The following DPYS variants were observed in gnomAD, a reference collection of about 807,000 sequenced individuals.
DPYS encodes the protein dihydropyrimidinase.
Under a neutral mutation model 50.3 loss-of-function variants are expected in DPYS, and 39 were observed. The observed-to-expected ratio is 0.78, with a 90% CI of 0.60 to 1.01. DPYS has a LOEUF of 1.01. Among genes scored for constraint, DPYS ranks in the 50% least tolerant of loss-of-function variants. The pLI, the probability that DPYS is intolerant of heterozygous loss-of-function variation, is 0.00. For synonymous variants in DPYS, 245 were observed against 250.7 expected (o/e 0.98, Z 0.22); for missense variants, 659 against 680.9 (o/e 0.97, Z 0.36).
chr8:104,406,187 C>T (rs1335296214), intron 7 of DPYS, among the ~76,000 whole-genome samples: 1 of 152,152 alleles, frequency 6.6e-6, no homozygotes, highest in Non-Finnish European at 1.5e-5. Context: ...GTAAGCTCTG[C>T]AGTGGTTAAA....
In DPYS at chr8:104,466,821, C is replaced by T. The variant is rs1026825949; in HGVS notation, c.100G>A (p.Ala34Thr). ...DVLVEDGVVR[A>T]LGHDLLPPGG... Reference sequence around the variant, plus strand: ...GGAGGCAGCAGGTCGTGCCCGAGTGCCCGCACCACGCCGTCCTCCACCAGC... The same window carrying T: ...GGAGGCAGCAGGTCGTGCCCGAGTGTCCGCACCACGCCGTCCTCCACCAGC... The change falls in exon 1 of 10, where the codon GCA (alanine) becomes ACA (threonine). Residue 34 changes from alanine to threonine, a missense_variant. Physicochemically the swap from Ala to Thr is moderately conservative, Grantham distance 58 (BLOSUM62 0). Transcript: ENST00000351513. 2.2e-5 allele frequency: 33 copies of T among 1,533,508 alleles called. No homozygotes were observed. The highest frequency in any genetic ancestry group is 2.9e-5 in the Non-Finnish European group (33 of 1,145,480). The allele number at this position is 1,533,508 out of a possible 1,614,324, so 95.0% of individuals were successfully genotyped here.
At chr8:104,413,296 G>A (rs1255401775) in intron 7 of DPYS, among the ~76,000 whole-genome samples, 1 of 151,548 alleles carries the variant, frequency 6.6e-6, no homozygotes, top group African/African-American at 2.4e-5. Context: ...CAATTCATAT[G>A]AAGCTAAGAA....
At chr8:104,457,076 T>G (rs1813950735) in intron 1 of DPYS, among the ~76,000 whole-genome samples, 1 of 152,226 alleles carries the variant, frequency 6.6e-6, no homozygotes, top group Non-Finnish European at 1.5e-5. Flanking sequence ...ATACCTGTGA[T>G]AAAGTTTAAT....
At chr8:104,449,558 G>T (rs1215336961) in intron 2 of DPYS, among the ~76,000 whole-genome samples, 1 of 152,212 alleles carries the variant, frequency 6.6e-6, no homozygotes, top group African/African-American at 2.4e-5. Flanking sequence ...ATATGTTGAA[G>T]TCCTAACCCC....
intron 7 of DPYS, among the ~76,000 whole-genome samples, chr8:104,400,696 A>G (rs906358300): frequency 6.6e-6 from 1 of 152,204 alleles, no homozygotes; most frequent in African/African-American, 2.4e-5. Context: ...TGTCAAGCTC[A>G]CTTTAAGCCT....
At chr8:104,415,003 G>T (rs780138050) in intron 7 of DPYS, among the ~76,000 whole-genome samples, 1 of 152,186 alleles carries the variant, frequency 6.6e-6, no homozygotes, top group Non-Finnish European at 1.5e-5. Flanking sequence ...TAATTCAAAG[G>T]GGGGAAGAAT....
intron 7 of DPYS, among the ~76,000 whole-genome samples, chr8:104,413,543 C>T (rs182353487): frequency 3.5e-4 from 53 of 152,058 alleles, no homozygotes; most frequent in African/African-American, 9.6e-4. Flanking sequence ...AAATTATGGA[C>T]GTTGTAAGTT....
At chr8:104,401,832 A>G in intron 7 of DPYS, among the ~76,000 whole-genome samples, 1 of 152,342 alleles carries the variant, frequency 6.6e-6, no homozygotes, top group South Asian at 2.1e-4. Context: ...TGCTTCAAGT[A>G]CATTGTCATT....
intron 7 of DPYS, among the ~76,000 whole-genome samples, chr8:104,400,021 C>A (rs920122569): frequency 2.0e-4 from 30 of 152,066 alleles, no homozygotes; most frequent in Admixed American, 1.9e-3. Flanking sequence ...TGCATGGTGA[C>A]AAAAATAATT....
chr8:104,401,868 A>G (rs1242260264), intron 7 of DPYS, among the ~76,000 whole-genome samples: 2 of 152,186 alleles, frequency 1.3e-5, no homozygotes, highest in African/African-American at 4.8e-5. Flanking sequence ...CACTCACTGC[A>G]CCCATCAATC....
Position 104,428,047 on chromosome 8 carries a change from A to G in DPYS, c.1025T>C (p.Phe342Ser). ...ATTCACCCCATTGGGGATCTTGGTA[A>G]AATCATCCTTCCCAAGAGCTTTCTG... ...TCQKALGKDD[F>S]TKIPNGVNGV... Residue 342 changes from phenylalanine (F) to serine (S), a missense_variant, in exon 6 of 10, where the codon TTT (phenylalanine) becomes TCT (serine). By Grantham distance (155) the Phe-to-Ser change is radical. Coordinates refer to ENST00000351513, the MANE Select transcript of DPYS (RefSeq NM_001385.3). The G allele has an allele frequency of 6.2e-7, 1 of 1,614,224 alleles. No individual in the cohort carries two copies. The highest frequency in any genetic ancestry group is 8.5e-7 in the Non-Finnish European group (1 of 1,180,030).
chr8:104,390,872 T>C (rs752774843), intron 8 of DPYS, among the ~76,000 whole-genome samples: 45 of 152,196 alleles, frequency 3.0e-4, no homozygotes, highest in Non-Finnish European at 6.2e-4. Context: ...ACCTTAGCAG[T>C]GTGTCTTGCA....
At chr8:104,466,038 C>T (rs1347454831) in intron 1 of DPYS, among the ~76,000 whole-genome samples, 1 of 142,478 alleles carries the variant, frequency 7.0e-6, no homozygotes, top group South Asian at 2.3e-4. Context: ...AAACCCTGGT[C>T]GGGGCTATAT....
At chr8:104,452,766 G>A (rs1380333372) in intron 1 of DPYS, among the ~76,000 whole-genome samples, 2 of 152,190 alleles carry the variant, frequency 1.3e-5, no homozygotes, top group Non-Finnish European at 2.9e-5. Flanking sequence ...ACTTGAGCCC[G>A]GGAGTTTGAG....
intron 8 of DPYS, among the ~76,000 whole-genome samples, chr8:104,386,426 G>A (rs922056877): frequency 6.6e-6 from 1 of 151,634 alleles, no homozygotes; most frequent in Non-Finnish European, 1.5e-5. Flanking sequence ...CCAGCTACTT[G>A]GGAGGCTGAG....
At chr8:104,464,689 C>T (rs1259744297) in intron 1 of DPYS, among the ~76,000 whole-genome samples, 1 of 152,062 alleles carries the variant, frequency 6.6e-6, no homozygotes, top group Admixed American at 6.5e-5. Flanking sequence ...AATATGATAT[C>T]GATTATGTAA....
At chr8:104,449,618 C>T (rs890978839) in intron 2 of DPYS, among the ~76,000 whole-genome samples, 3 of 152,188 alleles carry the variant, frequency 2.0e-5, no homozygotes, top group Admixed American at 6.5e-5. Flanking sequence ...GATGAGGACA[C>T]GAGCATGTGC....
intron 4 of DPYS, among the ~76,000 whole-genome samples, chr8:104,440,311 G>A (rs539082629): frequency 1.1e-4 from 16 of 151,390 alleles, no homozygotes; most frequent in Non-Finnish European, 1.2e-4. Flanking sequence ...GCCTCCTGGA[G>A]CCGTGATTCT....
chr8:104,456,181 C>G (rs1459558708), intron 1 of DPYS, among the ~76,000 whole-genome samples: 1 of 152,154 alleles, frequency 6.6e-6, no homozygotes, highest in Non-Finnish European at 1.5e-5. Context: ...GTGTAGTAGG[C>G]TATACCATCT....
Sources: gnomAD v4.1 joint callset for allele counts (sites outside exome capture counted in the v4.1 genomes callset) on GRCh38, gnomAD v4.1.1 for gene constraint, MANE v1.5 for transcripts, NCBI Gene and HGNC (gene_info 2026-07-23, HGNC 2026-07-21) for gene names.